DMD: variants seen among roughly 807,000 people sequenced by gnomAD.
DMD encodes the protein mutant dystrophin.
A neutral mutation model predicts 330.1 loss-of-function variants in DMD; 63 were observed. The observed-to-expected ratio is 0.19, with a 90% CI of 0.16 to 0.24. The LOEUF is 0.24. Ranked by LOEUF, DMD falls within the 10% of genes least tolerant of loss-of-function variation. The pLI is 1.00. For synonymous variants in DMD, 1,223 were observed against 959.8 expected (o/e 1.27, Z -5.07); for missense variants, 3,344 against 2,684.1 (o/e 1.25, Z -5.43).
chrX:33,048,598 G>T (rs945854451), intron 1 of DMD, among the ~76,000 whole-genome samples: 5 of 105,140 alleles, frequency 4.8e-5, no homozygotes, highest in African/African-American at 1.4e-4. Context: ...GAGGCTGAGG[G>T]CAGGAGAATC....
intron 1 of DMD, among the ~76,000 whole-genome samples, chrX:33,173,549 T>C (rs954709671): frequency 5.4e-5 from 6 of 111,171 alleles, no homozygotes; most frequent in African/African-American, 2.0e-4. Flanking sequence ...AGTGTATTCA[T>C]TACTTTTGCT....
chrX:33,303,034 T>G (rs1272137283), intron 1 of DMD, among the ~76,000 whole-genome samples: 1 of 111,803 alleles, frequency 8.9e-6, no homozygotes, highest in Non-Finnish European at 1.9e-5. Flanking sequence ...AGTATGTAGA[T>G]TTTTTCAGAT....
intron 47 of DMD, among the ~76,000 whole-genome samples, chrX:31,890,011 CAAAT>C (rs1309093759): frequency 4.6e-5 from 5 of 109,775 alleles, no homozygotes; most frequent in Non-Finnish European, 9.5e-5. Flanking sequence ...AGAACCATAA[CAAAT>C]AACAATAACT....
chrX:31,750,700 C>A (rs1202683986), intron 51 of DMD, among the ~76,000 whole-genome samples: 1 of 109,822 alleles, frequency 9.1e-6, no homozygotes, highest in South Asian at 3.9e-4. Context: ...AAGAGGAAGT[C>A]AAATTGTCCC....
intron 16 of DMD, among the ~76,000 whole-genome samples, chrX:32,559,095 C>T (rs1468923294): frequency 9.2e-6 from 1 of 108,918 alleles, no homozygotes; most frequent in African/African-American, 3.4e-5. Context: ...CAATTACAAG[C>T]GCCTGCCACC....
At chrX:31,200,542 T>A (rs2043331418) in intron 67 of DMD, among the ~76,000 whole-genome samples, 1 of 112,260 alleles carries the variant, frequency 8.9e-6, no homozygotes, top group African/African-American at 3.2e-5. Flanking sequence ...ATGGTAACAA[T>A]ATTATTTATA....
At chrX:33,130,662 C>T (rs1029983938) in intron 1 of DMD, among the ~76,000 whole-genome samples, 16 of 109,863 alleles carry the variant, frequency 1.5e-4, no homozygotes, top group Non-Finnish European at 2.5e-4. Flanking sequence ...TCAAGCGATT[C>T]TCCTGCCTCA....
chrX:31,862,011 T>C (rs2093715180), intron 48 of DMD, among the ~76,000 whole-genome samples: 1 of 108,253 alleles, frequency 9.2e-6, no homozygotes, highest in African/African-American at 3.4e-5. Context: ...CCCAGGAAAC[T>C]GAAAACCTTG....
chrX:31,184,322 T>A (rs1190320709), intron 67 of DMD, among the ~76,000 whole-genome samples: 3 of 111,966 alleles, frequency 2.7e-5, no homozygotes, highest in Admixed American at 1.9e-4. Context: ...AAGTCAATAG[T>A]AAAGATGACT....
At chrX:33,130,315 CTG>C (rs890788778) in intron 1 of DMD, among the ~76,000 whole-genome samples, 4 of 111,822 alleles carry the variant, frequency 3.6e-5, no homozygotes, top group African/African-American at 1.3e-4. Flanking sequence ...TTCAAGGACA[CTG>C]TAGCTAAGGA....
At chrX:32,444,966 C>T (rs2098297233) in intron 27 of DMD, among the ~76,000 whole-genome samples, 1 of 111,095 alleles carries the variant, frequency 9.0e-6, no homozygotes, top group African/African-American at 3.3e-5. Context: ...CTTCTCATTC[C>T]TGAAAGGTAC....
At chrX:32,009,636 T>C (rs2095690208) in intron 44 of DMD, among the ~76,000 whole-genome samples, 1 of 111,798 alleles carries the variant, frequency 8.9e-6, no homozygotes, top group Non-Finnish European at 1.9e-5. Flanking sequence ...AAAGTCTATA[T>C]TACTCTCAGA....
intron 41 of DMD, among the ~76,000 whole-genome samples, chrX:32,334,275 C>T (rs774086030): frequency 3.6e-5 from 4 of 111,583 alleles, no homozygotes; most frequent in African/African-American, 1.3e-4. Context: ...TTTCCCTTAA[C>T]AACCATTATT....
intron 45 of DMD, among the ~76,000 whole-genome samples, chrX:31,966,986 A>AT (rs1487218529): frequency 1.8e-5 from 2 of 110,315 alleles, no homozygotes; most frequent in Non-Finnish European, 3.8e-5. Flanking sequence ...ATGGTATTCA[A>AT]TTTTTTTAAT....
intron 55 of DMD, among the ~76,000 whole-genome samples, chrX:31,511,001 G>C (rs184171684): frequency 9.0e-6 from 1 of 111,587 alleles, no homozygotes; most frequent in East Asian, 2.8e-4. Context: ...GAAATGACTT[G>C]ACACATCAGC....
intron 63 of DMD, among the ~76,000 whole-genome samples, chrX:31,251,377 G>A (rs934216106): frequency 9.0e-6 from 1 of 111,279 alleles, no homozygotes; most frequent in Non-Finnish European, 1.9e-5. Flanking sequence ...GCTTGGTAAA[G>A]AAATCTGTAT....
Position 32,202,929 on chromosome X carries a change from A to G in DMD, c.6438+13987T>C, listed in dbSNP as rs568700670. 4.7e-4 allele frequency among the ~76,000 whole-genome samples: 53 copies of G among 112,318 alleles called. No homozygotes were observed. In the South Asian group the frequency reaches 0.019, roughly 40 times the overall value. Reference sequence around the variant, plus strand: ...CCGTAAGTATCCTAAACAAACTTAAATCTTGAAAAGTGCAAATCTCATCCC... The same window carrying G: ...CCGTAAGTATCCTAAACAAACTTAAGTCTTGAAAAGTGCAAATCTCATCCC... On this transcript the variant is annotated intron_variant, in intron 44 of 78. Coordinates refer to ENST00000357033, the MANE Select transcript of DMD (RefSeq NM_004006.3).
intron 7 of DMD, among the ~76,000 whole-genome samples, chrX:32,799,586 T>C (rs904586909): frequency 9.5e-6 from 1 of 105,027 alleles, no homozygotes; most frequent in Non-Finnish European, 1.9e-5. Context: ...TCTCTTAATA[T>C]AGGGAGGATT....
chrX:32,547,582 A>G (rs1429751006), intron 16 of DMD, among the ~76,000 whole-genome samples: 1 of 111,216 alleles, frequency 9.0e-6, no homozygotes, highest in Admixed American at 9.6e-5. Flanking sequence ...ACAAATTAAT[A>G]ATCACTCTCA....
Sources: gnomAD v4.1 joint callset for allele counts (sites outside exome capture counted in the v4.1 genomes callset) on GRCh38, gnomAD v4.1.1 for gene constraint, MANE v1.5 for transcripts, NCBI Gene and HGNC (gene_info 2026-07-23, HGNC 2026-07-21) for gene names.